ST3GAL2: variants seen among roughly 807,000 people sequenced by gnomAD.
ST3GAL2 encodes the protein ST3 beta-galactoside alpha-2,3-sialyltransferase 2, also known as CMP-N-acetylneuraminate-beta-galactosamide-alpha-2,3-sialyltransferase 2.
Under a neutral mutation model 37.5 loss-of-function variants are expected in ST3GAL2, and 16 were observed. The observed-to-expected ratio is 0.43, with a 90% CI of 0.29 to 0.65. ST3GAL2 has a LOEUF of 0.65. Ranked by LOEUF, ST3GAL2 falls within the 30% of genes least tolerant of loss-of-function variation. ST3GAL2 has a pLI of 0.17. For synonymous variants in ST3GAL2, 238 were observed against 202.9 expected (o/e 1.17, Z -1.47); for missense variants, 383 against 487.8 (o/e 0.79, Z 2.02).
intron 1 of ST3GAL2, among the ~76,000 whole-genome samples, 191 bp downstream of exon 1, chr16:70,438,758 G>C (rs1015675034): frequency 6.6e-6 from 1 of 152,062 alleles, no homozygotes; most frequent in Non-Finnish European, 1.5e-5. Flanking sequence ...GCGGGGATCC[G>C]GAATGAGGCC....
At chr16:70,404,413 G>A (rs2047575254) in intron 1 of ST3GAL2, among the ~76,000 whole-genome samples, 2 of 152,182 alleles carry the variant, frequency 1.3e-5, no homozygotes, top group African/African-American at 4.8e-5. Flanking sequence ...GACTGATCCA[G>A]GGGTATTGCG....
intron 1 of ST3GAL2, among the ~76,000 whole-genome samples, chr16:70,406,197 A>T (rs778167386): frequency 6.6e-6 from 1 of 152,026 alleles, no homozygotes; most frequent in Non-Finnish European, 1.5e-5. Context: ...TAATCCCAGC[A>T]CTCTGGCAGG....
At chr16:70,394,206 A>G (rs1324844967) in intron 3 of ST3GAL2, among the ~76,000 whole-genome samples, 1 of 152,172 alleles carries the variant, frequency 6.6e-6, no homozygotes, top group Non-Finnish European at 1.5e-5. Context: ...TTGGGAATGA[A>G]TGAGCCCTAG....
chr16:70,425,125 T>C (rs1051413240), intron 1 of ST3GAL2, among the ~76,000 whole-genome samples: 3 of 152,008 alleles, frequency 2.0e-5, no homozygotes, highest in East Asian at 1.9e-4. Context: ...GGTGGAAGGA[T>C]TGCTTGAACC....
intron 1 of ST3GAL2, among the ~76,000 whole-genome samples, chr16:70,409,805 A>AT (rs980660367): frequency 0.13 from 16,905 of 128,986 alleles, 1,745 homozygotes; most frequent in African/African-American, 0.29. Flanking sequence ...ACCTGGCTAA[A>AT]TTTTTTTTTT....
At chr16:70,437,783 A>C (rs1206341041) in intron 1 of ST3GAL2, among the ~76,000 whole-genome samples, 3 of 152,174 alleles carry the variant, frequency 2.0e-5, no homozygotes, top group Non-Finnish European at 4.4e-5. Flanking sequence ...CCATCTCTCT[A>C]AAAACCAGCG....
At position 70,398,980 on chromosome 16, in the gene ST3GAL2, C is replaced by G. The variant is rs993503432; in HGVS notation, c.-450G>C. 2.4e-6 allele frequency: 1 copy of G among 413,040 alleles called. No individual in the cohort carries two copies. Among genetic ancestry groups the G allele is most frequent in the Non-Finnish European group, 4.3e-6 (1 of 233,914 alleles). 25.6% of individuals were successfully genotyped at this position (413,040 alleles called of 1,614,324 possible). A position where few individuals can be genotyped will look rare whatever the true frequency, so the allele number is the denominator to read the frequency against. ...GCAGACAATGAGGCGGCCCCTCGTT[C>G]CCGGCAGCGGGGAAGCCCTAGAACT... is the stretch of plus-strand genomic sequence containing the variant. On this transcript the variant is annotated 5_prime_UTR_variant, in exon 2 of 7. Coordinates refer to ENST00000342907, the MANE Select transcript of ST3GAL2 (RefSeq NM_006927.4).
intron 1 of ST3GAL2, among the ~76,000 whole-genome samples, chr16:70,431,971 AT>A (rs1287783487): frequency 5.2e-5 from 7 of 134,580 alleles, no homozygotes; most frequent in African/African-American, 2.3e-4. Flanking sequence ...CTTAAAAAAA[AT>A]ATATATATAT....
chr16:70,431,662 T>TAAA lies in ST3GAL2; in HGVS notation c.-1004+7284_-1004+7286dup, dbSNP rs60739243. On this transcript the variant is annotated intron_variant, in intron 1 of 6. Coordinates refer to ENST00000342907, the MANE Select transcript of ST3GAL2 (RefSeq NM_006927.4). Reference sequence around the variant, plus strand: ...AAACACAGCAAAACTCCCATCTCTTTAAAAAAAAAAAAAAAAATTGGCCAG... The same window carrying TAAA: ...AAACACAGCAAAACTCCCATCTCTTTAAAAAAAAAAAAAAAAAAAATTGGCCAG... Among the ~76,000 whole-genome samples, 1,365 of 139,336 alleles carry TAAA rather than the reference T, an allele frequency of 9.8e-3. 27 individuals carry two copies. Among genetic ancestry groups the TAAA allele is most frequent in the African/African-American group, 0.033 (1,286 of 38,858 alleles). The allele number at this position is 139,336 out of a possible 152,430, so 91.4% of individuals were successfully genotyped here. A position where few individuals can be genotyped will look rare whatever the true frequency, so the allele number is the denominator to read the frequency against.
intron 1 of ST3GAL2, among the ~76,000 whole-genome samples, chr16:70,434,066 G>C (rs1180081305): frequency 6.6e-6 from 1 of 151,984 alleles, no homozygotes; most frequent in African/African-American, 2.4e-5. Context: ...TGGTGGACTC[G>C]TCTTATCCCC....
At chr16:70,426,233 G>A (rs1007301571) in intron 1 of ST3GAL2, among the ~76,000 whole-genome samples, 5 of 120,802 alleles carry the variant, frequency 4.1e-5, no homozygotes, top group Non-Finnish European at 7.9e-5. Flanking sequence ...TCACTCTGTC[G>A]CCCAGGCTGG....
At chr16:70,385,622 G>A (rs1347839239) in intron 4 of ST3GAL2, among the ~76,000 whole-genome samples, 1 of 151,856 alleles carries the variant, frequency 6.6e-6, no homozygotes, top group Non-Finnish European at 1.5e-5. Context: ...GGGAGGAGTG[G>A]GGGTGATGGC....
At chr16:70,433,577 A>G (rs1597579083) in intron 1 of ST3GAL2, among the ~76,000 whole-genome samples, 1 of 152,042 alleles carries the variant, frequency 6.6e-6, no homozygotes, top group Non-Finnish European at 1.5e-5. Flanking sequence ...GGCCAACCAG[A>G]CACTTCCTCC....
At chr16:70,400,884 G>A (rs1567670163) in intron 1 of ST3GAL2, 1 of 152,236 alleles carries the variant, frequency 6.6e-6, no homozygotes, top group South Asian at 2.1e-4. Context: ...AATCCACGGA[G>A]ACCCCAGCAG....
chr16:70,436,920 C>CCTA (rs1299938098), intron 1 of ST3GAL2, among the ~76,000 whole-genome samples: 1 of 152,116 alleles, frequency 6.6e-6, no homozygotes, highest in African/African-American at 2.4e-5. Context: ...CTCCCCAGGC[C>CCTA]CTACCCCTCA....
At chr16:70,391,516 G>C (rs775219522) in intron 3 of ST3GAL2, among the ~76,000 whole-genome samples, 1 of 152,174 alleles carries the variant, frequency 6.6e-6, no homozygotes, top group Non-Finnish European at 1.5e-5. Context: ...CTTGTGGGCT[G>C]CTAAACTCCC....
At chr16:70,419,903 C>G (rs1175158123) in intron 1 of ST3GAL2, among the ~76,000 whole-genome samples, 1 of 152,064 alleles carries the variant, frequency 6.6e-6, no homozygotes, top group Non-Finnish European at 1.5e-5. Flanking sequence ...AATATGATGA[C>G]AGCAACAGTC....
chr16:70,420,387 A>T (rs2047706932), intron 1 of ST3GAL2, among the ~76,000 whole-genome samples: 1 of 152,202 alleles, frequency 6.6e-6, no homozygotes, highest in Non-Finnish European at 1.5e-5. Flanking sequence ...CTAGGGAAAC[A>T]GGCATCCCTC....
chr16:70,434,337 T>C (rs1014397649), intron 1 of ST3GAL2, among the ~76,000 whole-genome samples: 1 of 151,906 alleles, frequency 6.6e-6, no homozygotes, highest in Admixed American at 6.6e-5. Context: ...CTCGGGAGGC[T>C]GAGGCATGAG....
Sources: allele counts gnomAD v4.1 joint callset (sites outside exome capture counted in the v4.1 genomes callset), GRCh38; gene constraint gnomAD v4.1.1; transcripts MANE v1.5; gene names NCBI Gene and HGNC (gene_info 2026-07-23, HGNC 2026-07-21).